The following PRRC2C variants were observed in gnomAD, a reference collection of about 807,000 sequenced individuals.
PRRC2C encodes the protein proline rich coiled-coil 2C.
PRRC2C carries 72 observed loss-of-function variants against 317.2 expected under a neutral mutation model. The observed-to-expected ratio is 0.23, with a 90% confidence interval of 0.19 to 0.28. PRRC2C has a LOEUF of 0.28. PRRC2C is among the 10% of genes least tolerant of loss of function. The probability of loss-of-function intolerance (pLI) is 1.00; values close to 1 mark genes in which losing one functional copy is unlikely to be tolerated. For missense variants in PRRC2C, 3,074 were observed against 3,459.7 expected (o/e 0.89, Z 2.80); for synonymous variants, 1,296 against 1,205.9 (o/e 1.07, Z -1.55).
At chr1:171,501,050 C>T (rs535189788) in intron 1 of PRRC2C, among the ~76,000 whole-genome samples, 1 of 152,248 alleles carries the variant, frequency 6.6e-6, no homozygotes, top group African/African-American at 2.4e-5. Context: ...AGGCGTGTGC[C>T]ACCATACCCA....
chr1:171,509,124 A>G (rs1309410393), intron 1 of PRRC2C, among the ~76,000 whole-genome samples: 1 of 152,110 alleles, frequency 6.6e-6, no homozygotes, highest in Non-Finnish European at 1.5e-5. Flanking sequence ...TGACCTCACG[A>G]TCCACCTGCC....
intron 12 of PRRC2C, among the ~76,000 whole-genome samples, chr1:171,535,049 A>G (rs974298810): frequency 5.3e-5 from 8 of 152,182 alleles, no homozygotes; most frequent in African/African-American, 1.4e-4. Flanking sequence ...TTTATAGGCC[A>G]TTTGTGTTTT....
Position 171,584,575 on chromosome 1 carries a change from T to C in PRRC2C, c.7749+49T>C, listed in dbSNP as rs1195821371. On this transcript the variant is annotated intron_variant, in intron 30 of 34. Transcript: ENST00000647382. ...CCTCAATTTTCTTTATTATTATTTT[T>C]ATTGCTTTTGTTATTGTTTGGGAAT... 4 of 1,502,568 alleles carry C rather than the reference T, an allele frequency of 2.7e-6. No homozygotes were observed. In the East Asian group the frequency reaches 9.9e-5, roughly 37 times the overall value. 93.1% of individuals were successfully genotyped at this position (1,502,568 alleles called of 1,614,324 possible).
intron 12 of PRRC2C, among the ~76,000 whole-genome samples, chr1:171,533,671 T>C (rs1234749734): frequency 1.3e-5 from 2 of 152,168 alleles, no homozygotes; most frequent in Non-Finnish European, 2.9e-5. Flanking sequence ...GTCTCCAGGC[T>C]GGAGTGCAGT....
chr1:171,584,215 C>T, intron 29 of PRRC2C, 28 bp downstream of exon 29: 1 of 1,539,526 alleles, frequency 6.5e-7, no homozygotes, highest in Non-Finnish European at 9.0e-7. Context: ...AGCAATGCAC[C>T]CTCATTGTAT....
intron 28 of PRRC2C, among the ~76,000 whole-genome samples, chr1:171,581,451 G>T (rs1572130873): frequency 6.6e-6 from 1 of 152,136 alleles, no homozygotes; most frequent in African/African-American, 2.4e-5. Flanking sequence ...TACTATATTT[G>T]TAATCCCCAT....
At position 171,584,347 on chromosome 1, in the gene PRRC2C, G is replaced by A; in HGVS notation, c.7642-72G>A. 3.5e-6 allele frequency: 5 copies of A among 1,423,866 alleles called. No individual in the cohort carries two copies. The South Asian group carries it at 5.4e-5, about 15-fold the overall frequency. 88.2% of individuals were successfully genotyped at this position (1,423,866 alleles called of 1,614,324 possible). On this transcript the variant is annotated intron_variant, in intron 29 of 34. Coordinates refer to ENST00000647382, the MANE Select transcript of PRRC2C (RefSeq NM_001387844.1). ...AAAAATTGCTAGACATTGCTTTGAA[G>A]TCATAATCTCCACCTCTGAATTTGA...
rs780824488 is a variant in PRRC2C at position 171,557,219 on chromosome 1, G to A, written c.5128-21G>A. The A allele has an allele frequency of 3.3e-6, 5 of 1,520,752 alleles. No homozygotes were observed. In the South Asian group the frequency reaches 5.1e-5, roughly 15 times the overall value. The allele number at this position is 1,520,752 out of a possible 1,614,324, so 94.2% of individuals were successfully genotyped here. A position where few individuals can be genotyped will look rare whatever the true frequency, so the allele number is the denominator to read the frequency against. ...ATTCAGCTGCATTATTGACAAAAAT[G>A]GTCCCCGTTAATTTTTTAAGGTCTG... On this transcript the variant is annotated intron_variant, in intron 18 of 34. Coordinates refer to ENST00000647382, the MANE Select transcript of PRRC2C (RefSeq NM_001387844.1).
intron 34 of PRRC2C, among the ~76,000 whole-genome samples, chr1:171,590,150 C>G (rs557269985): frequency 1.3e-5 from 2 of 152,048 alleles, no homozygotes; most frequent in Non-Finnish European, 2.9e-5. Context: ...GTACAGTTTT[C>G]TTCTCAAACT....
At position 171,521,675 on chromosome 1, in the gene PRRC2C, A is replaced by G. The variant is rs1369751633; in HGVS notation, c.751-502A>G. ...GCTGGGGACTGATGTTATCCTCCTTATCCACAAATCTGCCTCTGATTATTC... is the reference window on the plus strand; with the variant it reads ...GCTGGGGACTGATGTTATCCTCCTTGTCCACAAATCTGCCTCTGATTATTC... On this transcript the variant is annotated intron_variant, in intron 6 of 34. Transcript: ENST00000647382. Among the ~76,000 whole-genome samples, 5 of 152,100 alleles carry G rather than the reference A, an allele frequency of 3.3e-5. No homozygotes were observed. In the East Asian group the frequency reaches 9.6e-4, roughly 29 times the overall value.
At chr1:171,549,989 G>GTTTT in intron 17 of PRRC2C, 97 bp from the exon 18 acceptor site, 4 of 719,016 alleles carry the variant, frequency 5.6e-6, no homozygotes, top group South Asian at 4.0e-5. Flanking sequence ...CCTTTGGCTA[G>GTTTT]TTTTTTTTTT....
At chr1:171,573,348 TTA>T (rs1488144633) in intron 24 of PRRC2C, among the ~76,000 whole-genome samples, 3 of 152,194 alleles carry the variant, frequency 2.0e-5, no homozygotes, top group Non-Finnish European at 4.4e-5. Context: ...ATAACTTAAT[TTA>T]TATGTTCCCA....
intron 22 of PRRC2C, among the ~76,000 whole-genome samples, chr1:171,567,615 C>G (rs1683927420): frequency 6.6e-6 from 1 of 152,178 alleles, no homozygotes; most frequent in Non-Finnish European, 1.5e-5. Context: ...ATTGCAACAA[C>G]TAAGATCTTG....
intron 22 of PRRC2C, among the ~76,000 whole-genome samples, chr1:171,567,410 G>A (rs919414394): frequency 1.3e-5 from 2 of 152,160 alleles, no homozygotes; most frequent in African/African-American, 4.8e-5. Flanking sequence ...ACATATCTGC[G>A]ATTTTATATT....
At chr1:171,496,352 G>A (rs764396419) in intron 1 of PRRC2C, among the ~76,000 whole-genome samples, 1 of 151,514 alleles carries the variant, frequency 6.6e-6, no homozygotes, top group Non-Finnish European at 1.5e-5. Context: ...ACAGGTGCAC[G>A]CCACCACACC....
At chr1:171,538,650 C>G (rs1369991302) in intron 15 of PRRC2C, among the ~76,000 whole-genome samples, 1 of 152,116 alleles carries the variant, frequency 6.6e-6, no homozygotes, top group African/African-American at 2.4e-5. Flanking sequence ...ATTAGAAATT[C>G]ACATCAGCAT....
chr1:171,578,292 C>T (rs1008867514), intron 26 of PRRC2C, among the ~76,000 whole-genome samples: 1 of 151,924 alleles, frequency 6.6e-6, no homozygotes, highest in Non-Finnish European at 1.5e-5. Context: ...GTGGCTCATA[C>T]CTATAATCCC....
intron 1 of PRRC2C, among the ~76,000 whole-genome samples, chr1:171,503,175 G>C (rs1307806549): frequency 1.3e-5 from 2 of 152,300 alleles, no homozygotes; most frequent in Middle Eastern, 3.4e-3. Flanking sequence ...AAACACCTTT[G>C]GTGGTAGAAG....
At chr1:171,512,719 T>C (rs1156344921) in intron 2 of PRRC2C, 2 of 302,378 alleles carry the variant, frequency 6.6e-6, no homozygotes, top group Non-Finnish European at 1.2e-5. Flanking sequence ...AAATAGATTC[T>C]CTGAAAAAAT....
Sources: allele counts gnomAD v4.1 joint callset (sites outside exome capture counted in the v4.1 genomes callset), GRCh38; gene constraint gnomAD v4.1.1; transcripts MANE v1.5; gene names NCBI Gene and HGNC (gene_info 2026-07-23, HGNC 2026-07-21).